The following WARS2 variants were observed in gnomAD, a reference collection of about 807,000 sequenced individuals.
The protein encoded by WARS2 is tryptophanyl tRNA synthetase 2, mitochondrial.
A neutral mutation model predicts 36.5 loss-of-function variants in WARS2; 28 were observed. That is an observed-to-expected ratio of 0.77 (90% CI 0.57 to 1.05). The LOEUF is 1.05. WARS2 is among the 50% of genes least tolerant of loss of function. The pLI is 0.00. For missense variants in WARS2, 435 were observed against 456.8 expected, an observed-to-expected ratio of 0.95 and a Z score of 0.44; for synonymous variants, 174 against 178.4, an observed-to-expected ratio of 0.98 and a Z score of 0.20.
At chr1:119,130,956 T>A (rs1195767530) in intron 1 of WARS2, among the ~76,000 whole-genome samples, 1 of 152,200 alleles carries the variant, frequency 6.6e-6, no homozygotes, top group African/African-American at 2.4e-5. Context: ...ACCTGTGGTA[T>A]GGTGCATACT....
In WARS2 at chr1:119,137,859, G is replaced by A. The variant is rs192253188; in HGVS notation, c.90+2696C>T. On this transcript the variant is annotated intron_variant, in intron 1 of 5. Coordinates refer to ENST00000235521, the MANE Select transcript of WARS2 (RefSeq NM_015836.4). ...TTGAGTTTACATCTGCATCCTCTGA[G>A]ATAAGCAAAGATGCCCTATGCCAAC... 2.0e-5 allele frequency among the ~76,000 whole-genome samples: 3 copies of A among 152,258 alleles called. No homozygotes were observed. The East Asian group carries it at 5.8e-4, about 29-fold the overall frequency.
At chr1:119,049,706 C>A (rs76305561) in intron 2 of WARS2, among the ~76,000 whole-genome samples, 2 of 152,334 alleles carry the variant, frequency 1.3e-5, no homozygotes, top group South Asian at 4.1e-4. Flanking sequence ...TCTGCAGTTG[C>A]TTAGGCAAAA....
chr1:119,096,278 A>G (rs1653432824), intron 1 of WARS2, among the ~76,000 whole-genome samples: 1 of 152,210 alleles, frequency 6.6e-6, no homozygotes, highest in Admixed American at 6.5e-5. Flanking sequence ...AATGTCAATT[A>G]TATCATTTGG....
chr1:119,048,034 T>C (rs1223503973), intron 2 of WARS2, among the ~76,000 whole-genome samples: 2 of 152,208 alleles, frequency 1.3e-5, no homozygotes, highest in Non-Finnish European at 2.9e-5. Context: ...GTTGAATGCG[T>C]GGGCAATAGC....
Position 119,032,965 on chromosome 1 carries a change from T to G in WARS2, c.1029A>C (p.Lys343Asn). 1 of 1,614,256 alleles carries G rather than the reference T, an allele frequency of 6.2e-7. No homozygotes were observed. Among genetic ancestry groups the G allele is most frequent in the Non-Finnish European group, 8.5e-7 (1 of 1,180,042 alleles). The change falls in exon 6 of 6, where the codon AAA becomes AAC. Residue 343 changes from lysine (K) to asparagine (N), a missense_variant. By Grantham distance (94) the Lys-to-Asn change is moderately conservative. Coordinates refer to ENST00000235521, the MANE Select transcript of WARS2 (RefSeq NM_015836.4). ...KVLQIGSAKA[K>N]ELAYTVCQEV... ...CCTGGCACACAGTGTATGCTAATTCTTTGGCTTTTGCTGATCCAATTTGTA... is the reference window on the plus strand; with the variant it reads ...CCTGGCACACAGTGTATGCTAATTCGTTGGCTTTTGCTGATCCAATTTGTA...
intron 1 of WARS2, 119 bp from the exon 2 acceptor site, chr1:119,076,726 T>C: frequency 1.4e-6 from 2 of 1,410,980 alleles, no homozygotes; most frequent in Non-Finnish European, 1.9e-6. Context: ...CTGACAGTCA[T>C]CATCATCCAT....
intron 1 of WARS2, among the ~76,000 whole-genome samples, chr1:119,129,907 C>T (rs771654340): frequency 1.3e-5 from 2 of 152,154 alleles, no homozygotes; most frequent in Non-Finnish European, 2.9e-5. Context: ...ATTCTTTGCA[C>T]AACCTTGGCT....
intron 1 of WARS2, among the ~76,000 whole-genome samples, chr1:119,083,440 G>A (rs587738398): frequency 4.1e-4 from 62 of 152,282 alleles, no homozygotes; most frequent in African/African-American, 1.5e-3. Context: ...TAAGAAATAA[G>A]TATCTGTTCT....
intron 1 of WARS2, among the ~76,000 whole-genome samples, chr1:119,091,163 G>A (rs1653016166): frequency 6.6e-6 from 1 of 152,172 alleles, no homozygotes; most frequent in African/African-American, 2.4e-5. Flanking sequence ...ATCCTTCTAT[G>A]CCTCCTAGCG....
intron 1 of WARS2, among the ~76,000 whole-genome samples, chr1:119,139,089 G>A (rs1000668679): frequency 2.6e-5 from 4 of 152,044 alleles, no homozygotes; most frequent in Non-Finnish European, 5.9e-5. Context: ...TAGCTACTTT[G>A]ATAGCATAGG....
chr1:119,131,168 T>A (rs587766135), intron 1 of WARS2, among the ~76,000 whole-genome samples: 11 of 152,332 alleles, frequency 7.2e-5, no homozygotes, highest in Non-Finnish European at 1.5e-4. Context: ...GGAACCGATA[T>A]CTGAGGTTTT....
intron 1 of WARS2, among the ~76,000 whole-genome samples, chr1:119,100,797 C>A (rs1357725147): frequency 6.6e-6 from 1 of 152,032 alleles, no homozygotes; most frequent in African/African-American, 2.4e-5. Context: ...AATAGCCACA[C>A]CAGTTAATTT....
At chr1:119,067,146 A>G (rs1650946086) in intron 2 of WARS2, among the ~76,000 whole-genome samples, 1 of 152,212 alleles carries the variant, frequency 6.6e-6, no homozygotes, top group South Asian at 2.1e-4. Context: ...TAGATGCAAG[A>G]GAATATGGGC....
At chr1:119,047,551 C>G (rs1230103819) in intron 2 of WARS2, 1 of 152,006 alleles carries the variant, frequency 6.6e-6, no homozygotes, top group Non-Finnish European at 1.5e-5. Context: ...AAAATTAATT[C>G]AAATTATCTT....
At chr1:119,096,917 AAAATAC>A (rs1316143222) in intron 1 of WARS2, among the ~76,000 whole-genome samples, 1 of 152,228 alleles carries the variant, frequency 6.6e-6, no homozygotes, top group African/African-American at 2.4e-5. Context: ...TATTAATGAT[AAAATAC>A]CTGGTACCAC....
At chr1:119,036,794 A>T (rs568918380) in intron 4 of WARS2, among the ~76,000 whole-genome samples, 80 of 152,308 alleles carry the variant, frequency 5.3e-4, no homozygotes, top group African/African-American at 1.9e-3. Context: ...TTGCTTTTTA[A>T]AAACAAAAAG....
intron 2 of WARS2, among the ~76,000 whole-genome samples, chr1:119,055,811 A>G (rs1050736797): frequency 6.6e-6 from 1 of 152,110 alleles, no homozygotes; most frequent in African/African-American, 2.4e-5. Context: ...GAAGGGAAAT[A>G]GTCAAAAGTT....
intron 1 of WARS2, among the ~76,000 whole-genome samples, chr1:119,139,224 CT>C (rs1656753902): frequency 6.6e-6 from 1 of 152,058 alleles, no homozygotes. Flanking sequence ...CCTAACATTG[CT>C]GCTGAAATTT....
chr1:119,039,259 T>C (rs924409487), intron 4 of WARS2, among the ~76,000 whole-genome samples: 4 of 152,192 alleles, frequency 2.6e-5, no homozygotes, highest in Non-Finnish European at 5.9e-5. Flanking sequence ...CTCAAGGCCA[T>C]GTATAGTGCC....
Sources: gnomAD v4.1 joint callset for allele counts (sites outside exome capture counted in the v4.1 genomes callset) on GRCh38, gnomAD v4.1.1 for gene constraint, MANE v1.5 for transcripts, NCBI Gene and HGNC (gene_info 2026-07-23, HGNC 2026-07-21) for gene names.